Variants in ALK observed in about 807,000 individuals in gnomAD.
ALK encodes ALK receptor tyrosine kinase, also known as ALK tyrosine kinase receptor.
Under a neutral mutation model 163.1 loss-of-function variants are expected in ALK, and 74 were observed. The observed-to-expected ratio is 0.45, with a 90% CI of 0.38 to 0.55. ALK has a LOEUF of 0.55. Ranked by LOEUF, ALK falls within the 20% of genes least tolerant of loss-of-function variation. ALK has a pLI of 0.00. For missense variants in ALK, 2,063 were observed against 2,105.3 expected (o/e 0.98, Z 0.39); for synonymous variants, 960 against 843.2 (o/e 1.14, Z -2.40).
intron 4 of ALK, among the ~76,000 whole-genome samples, chr2:29,507,447 G>C (rs1672365535): frequency 6.6e-6 from 1 of 152,202 alleles, no homozygotes; most frequent in Non-Finnish European, 1.5e-5. Context: ...TCTAGAGATA[G>C]ATGGTGGTGA....
At chr2:29,220,562 G>T in intron 23 of ALK, 144 bp downstream of exon 23, 7 of 1,153,940 alleles carry the variant, frequency 6.1e-6, no homozygotes, top group Non-Finnish European at 8.7e-6. Flanking sequence ...CTTCCAGCCA[G>T]TCAGTCACCC....
Position 29,655,957 on chromosome 2 carries a change from G to A in ALK, c.952+38893C>T, listed in dbSNP as rs139179229. ...AGCTGCTGTGCTACTAAATGCCTGTGTCCATATTTATATCCACAAACATCT... is the reference window on the plus strand; with the variant it reads ...AGCTGCTGTGCTACTAAATGCCTGTATCCATATTTATATCCACAAACATCT... On this transcript the variant is annotated intron_variant, in intron 3 of 28. Coordinates refer to ENST00000389048, the MANE Select transcript of ALK (RefSeq NM_004304.5). Among the ~76,000 whole-genome samples the A allele has an allele frequency of 8.0e-3, 1,216 of 152,212 alleles. 10 individuals carry two copies. Among genetic ancestry groups the A allele is most frequent in the Middle Eastern group, 0.041 (12 of 294 alleles).
chr2:29,798,997 C>T (rs1260897827), intron 1 of ALK, among the ~76,000 whole-genome samples: 3 of 152,154 alleles, frequency 2.0e-5, no homozygotes, highest in South Asian at 2.1e-4. Context: ...TCCATTCTCT[C>T]GTCTATAAAA....
chr2:29,761,583 G>T (rs551015125), intron 1 of ALK, among the ~76,000 whole-genome samples: 1 of 152,338 alleles, frequency 6.6e-6, no homozygotes, highest in South Asian at 2.1e-4. Context: ...GATTGGAAAT[G>T]TTCAGTGGAA....
rs187920145 is a variant in ALK, at chr2:29,730,772, T to A, written c.668-13075A>T. Among the ~76,000 whole-genome samples the A allele has an allele frequency of 3.2e-3, 483 of 152,332 alleles. 3 individuals carry two copies. Among genetic ancestry groups the A allele is most frequent in the Non-Finnish European group, 5.7e-3 (386 of 68,028 alleles). On this transcript the variant is annotated intron_variant, in intron 1 of 28. Coordinates refer to ENST00000389048, the MANE Select transcript of ALK (RefSeq NM_004304.5). ...GCCCAAGGGCTTCTGCCACTCCTGG[T>A]CTGGCCTAGCCTCCCAGTGTGCTGA...
intron 3 of ALK, among the ~76,000 whole-genome samples, chr2:29,679,933 T>G (rs1434491568): frequency 6.6e-6 from 1 of 152,036 alleles, no homozygotes; most frequent in Non-Finnish European, 1.5e-5. Flanking sequence ...TTTGTCTTTA[T>G]TTTTAAAGGT....
chr2:29,239,554 A>T (rs1664467680), intron 13 of ALK, 126 bp downstream of exon 13: 1 of 1,211,160 alleles, frequency 8.3e-7, no homozygotes, highest in Non-Finnish European at 1.2e-6. Flanking sequence ...CTGTTTAATT[A>T]CTCTTTGCTG....
chr2:29,382,548 T>G (rs1668925962), intron 5 of ALK, among the ~76,000 whole-genome samples: 1 of 152,228 alleles, frequency 6.6e-6, no homozygotes, highest in Non-Finnish European at 1.5e-5. Flanking sequence ...TTCTGGGAAT[T>G]GATACTTTCT....
At chr2:29,443,503 G>T (rs1478085958) in intron 4 of ALK, among the ~76,000 whole-genome samples, 2 of 152,090 alleles carry the variant, frequency 1.3e-5, no homozygotes, top group Non-Finnish European at 2.9e-5. Flanking sequence ...TTCCAGTTTG[G>T]GGGAAGGGTT....
intron 1 of ALK, chr2:29,907,127 G>T (rs1667573721): frequency 6.6e-6 from 1 of 151,632 alleles, no homozygotes; most frequent in African/African-American, 2.4e-5. Context: ...ATTTTAAGAG[G>T]AAACTCCAGA....
intron 1 of ALK, among the ~76,000 whole-genome samples, chr2:29,749,079 A>G (rs910303842): frequency 2.0e-5 from 3 of 152,176 alleles, no homozygotes; most frequent in African/African-American, 7.2e-5. Context: ...CAGAAGAGAA[A>G]TACCTGACAT....
intron 3 of ALK, among the ~76,000 whole-genome samples, chr2:29,671,226 T>G (rs555288032): frequency 2.0e-5 from 3 of 152,100 alleles, no homozygotes; most frequent in Non-Finnish European, 4.4e-5. Context: ...CAGGTTCACC[T>G]CTGCGCTAAT....
At chr2:29,197,806 A>G (rs2148143976) in intron 26 of ALK, 130 bp from the exon 27 acceptor site, 1 of 806,888 alleles carries the variant, frequency 1.2e-6, no homozygotes, top group Admixed American at 2.0e-5. Flanking sequence ...ATAACATAGA[A>G]CTCTTAAAAT....
intron 1 of ALK, among the ~76,000 whole-genome samples, chr2:29,826,438 C>T (rs553150481): frequency 6.7e-6 from 1 of 150,034 alleles, no homozygotes; most frequent in African/African-American, 2.5e-5. Context: ...GACAGCATCA[C>T]CAGTTGATTT....
At chr2:29,443,384 C>A (rs1280270737) in intron 4 of ALK, among the ~76,000 whole-genome samples, 2 of 152,204 alleles carry the variant, frequency 1.3e-5, no homozygotes, top group African/African-American at 4.8e-5. Flanking sequence ...AGATGGGAGG[C>A]GGGCTGGATC....
At chr2:29,235,719 G>T (rs1664355153) in intron 13 of ALK, among the ~76,000 whole-genome samples, 2 of 151,948 alleles carry the variant, frequency 1.3e-5, no homozygotes, top group Admixed American at 1.3e-4. Context: ...TTGAGACAGG[G>T]TCTCACTCTG....
intron 7 of ALK, among the ~76,000 whole-genome samples, chr2:29,319,959 C>T (rs762005487): frequency 6.6e-6 from 1 of 152,258 alleles, no homozygotes; most frequent in Admixed American, 6.5e-5. Flanking sequence ...CCCATCAGCC[C>T]TATGCTGCAG....
chr2:29,443,641 C>T (rs1670599090), intron 4 of ALK, among the ~76,000 whole-genome samples: 1 of 152,132 alleles, frequency 6.6e-6, no homozygotes, highest in Non-Finnish European at 1.5e-5. Flanking sequence ...TGACTGAGGC[C>T]CTCAGGATGG....
At chr2:29,210,030 AACAGCC>A (rs1669422351) in intron 24 of ALK, 152 bp from the exon 25 acceptor site, 3 of 674,490 alleles carry the variant, frequency 4.4e-6, no homozygotes, top group Non-Finnish European at 8.0e-6. Flanking sequence ...GTGTGAGAGA[AACAGCC>A]TTAACAATTC....
Sources: allele counts gnomAD v4.1 joint callset (sites outside exome capture counted in the v4.1 genomes callset), GRCh38; gene constraint gnomAD v4.1.1; transcripts MANE v1.5; gene names NCBI Gene and HGNC (gene_info 2026-07-23, HGNC 2026-07-21).